UBE2D2: variants seen among roughly 807,000 people sequenced by gnomAD.
The protein encoded by UBE2D2 is ubiquitin conjugating enzyme E2 D2, also known as ubiquitin-conjugating enzyme E2 D2.
Under a neutral mutation model 24.2 loss-of-function variants are expected in UBE2D2, and 2 were observed. The observed-to-expected ratio is 0.08, with a 90% CI of 0.03 to 0.26. The LOEUF is 0.26. UBE2D2 is among the 10% of genes least tolerant of loss of function. UBE2D2 has a pLI of 1.00. For missense variants in UBE2D2, 44 were observed against 177.6 expected (o/e 0.25, Z 4.28); for synonymous variants, 58 against 56.5 (o/e 1.03, Z -0.12).
chr5:139,600,611 A>T (rs1459464550), intron 2 of UBE2D2, among the ~76,000 whole-genome samples, 176 bp downstream of exon 2: 1 of 152,176 alleles, frequency 6.6e-6, no homozygotes, highest in Non-Finnish European at 1.5e-5. Context: ...ATCTTCTGCC[A>T]GGTATTGGCT....
At chr5:139,592,966 T>G (rs1353860131) in intron 1 of UBE2D2, among the ~76,000 whole-genome samples, 1 of 58,640 alleles carries the variant, frequency 1.7e-5, no homozygotes, top group African/African-American at 2.7e-4. Context: ...ATTTCCCAAA[T>G]TAACATGATT....
In UBE2D2 at chr5:139,627,580, A is replaced by G. The variant is rs898414419; in HGVS notation, c.*779A>G. 4 of 152,768 alleles carry G rather than the reference A, an allele frequency of 2.6e-5. No homozygotes were observed. The South Asian group carries it at 6.2e-4, about 24-fold the overall frequency. 9.5% of individuals were successfully genotyped at this position (152,768 alleles called of 1,614,324 possible). A position where few individuals can be genotyped will look rare whatever the true frequency, so the allele number is the denominator to read the frequency against. On this transcript the variant is annotated 3_prime_UTR_variant, in exon 7 of 7. Coordinates refer to ENST00000398733, the MANE Select transcript of UBE2D2 (RefSeq NM_003339.3). ...TATTTGGATGTAAGGGTGAAAATTC[A>G]TTTGATGGAAATACTTGTGTATATT...
chr5:139,609,653 G>A (rs1401238193), intron 2 of UBE2D2, among the ~76,000 whole-genome samples: 1 of 149,476 alleles, frequency 6.7e-6, no homozygotes, highest in Non-Finnish European at 1.5e-5. Context: ...TTACAGGTGT[G>A]AGCCATCACA....
chr5:139,550,497 T>A (rs1284291358), intron 1 of UBE2D2, among the ~76,000 whole-genome samples: 1 of 151,408 alleles, frequency 6.6e-6, no homozygotes, highest in Admixed American at 6.6e-5. Flanking sequence ...GTGGGTGGGG[T>A]CAGAAAAGGG....
intron 1 of UBE2D2, among the ~76,000 whole-genome samples, chr5:139,563,207 T>C (rs1753147126): frequency 6.6e-6 from 1 of 152,186 alleles, no homozygotes; most frequent in South Asian, 2.1e-4. Context: ...AGATTGATGA[T>C]TTAAACACCT....
At position 139,589,241 on chromosome 5, in the gene UBE2D2, A is replaced by G. The variant is rs139202445; in HGVS notation, c.25-11131A>G. Reference sequence around the variant, plus strand: ...GCCACTGCATTCCTGCCTGGGTGACAGAGCAAGACTCTGTCTCTTAAAGAA... The same window carrying G: ...GCCACTGCATTCCTGCCTGGGTGACGGAGCAAGACTCTGTCTCTTAAAGAA... On this transcript the variant is annotated intron_variant, in intron 1 of 6. Coordinates refer to ENST00000398733, the MANE Select transcript of UBE2D2 (RefSeq NM_003339.3). Among the ~76,000 whole-genome samples the G allele has an allele frequency of 1.3e-3, 205 of 152,116 alleles. 2 individuals are homozygous for G. Among genetic ancestry groups the G allele is most frequent in the African/African-American group, 4.8e-3 (198 of 41,498 alleles).
intron 1 of UBE2D2, among the ~76,000 whole-genome samples, chr5:139,566,846 A>G (rs1753231272): frequency 1.3e-5 from 2 of 151,936 alleles, no homozygotes; most frequent in South Asian, 4.2e-4. Flanking sequence ...CTGTGGGCCC[A>G]GTGTTGCAAT....
chr5:139,537,958 C>T lies in UBE2D2; in HGVS notation c.-64+11346C>T, dbSNP rs1283684978. ...CATCCTGGGCAACAGAGCGAGACTC[C>T]GTCTCAAAAAAAAAAAAAAGAGAAA... is the stretch of plus-strand genomic sequence containing the variant. On this transcript the variant is annotated intron_variant, in intron 1 of 6. Transcript: ENST00000511725. Among the ~76,000 whole-genome samples, 21 of 121,702 alleles carry T rather than the reference C, an allele frequency of 1.7e-4. No individual in the cohort carries two copies. In the East Asian group the frequency reaches 1.8e-3, roughly 11 times the overall value. 79.8% of individuals were successfully genotyped at this position (121,702 alleles called of 152,430 possible). A position where few individuals can be genotyped will look rare whatever the true frequency, so the allele number is the denominator to read the frequency against.
At chr5:139,594,880 G>T (rs531611248) in intron 1 of UBE2D2, among the ~76,000 whole-genome samples, 1 of 152,224 alleles carries the variant, frequency 6.6e-6, no homozygotes, top group Admixed American at 6.6e-5. Flanking sequence ...TCAAGTCCCT[G>T]ATATAAAATG....
chr5:139,599,761 A>G (rs1754034869), intron 1 of UBE2D2, among the ~76,000 whole-genome samples: 2 of 151,428 alleles, frequency 1.3e-5, no homozygotes, highest in African/African-American at 4.9e-5. Flanking sequence ...AAACAAACAA[A>G]AAAAACAGTA....
chr5:139,535,248 C>T (rs1752653037), intron 1 of UBE2D2, among the ~76,000 whole-genome samples: 1 of 148,934 alleles, frequency 6.7e-6, no homozygotes, highest in Admixed American at 6.8e-5. Context: ...AGTTCAAGAC[C>T]AGCCCGGCCA....
chr5:139,568,616 C>T (rs541958672), intron 1 of UBE2D2, among the ~76,000 whole-genome samples: 6 of 151,836 alleles, frequency 4.0e-5, no homozygotes, highest in Middle Eastern at 3.4e-3. Flanking sequence ...GAGATCGCGC[C>T]GCTGCATTCT....
rs573668620 is a variant in UBE2D2, at chr5:139,586,870, T to C, written c.25-13502T>C. Among the ~76,000 whole-genome samples the C allele has an allele frequency of 5.3e-5, 8 of 152,354 alleles. No homozygotes were observed. The South Asian group carries it at 1.7e-3, about 32-fold the overall frequency. On this transcript the variant is annotated intron_variant, in intron 1 of 6. Transcript: ENST00000398733. ...TTGTTAAACAGAATTTTAGTCCGTT[T>C]ACTTTATCAGCATAAATACAATATA...
In UBE2D2 at chr5:139,576,903, G is replaced by A. The variant is rs183299537; in HGVS notation, c.24+15088G>A. 1.8e-3 allele frequency among the ~76,000 whole-genome samples: 235 copies of A among 131,586 alleles called. 1 individual carries two copies. Among genetic ancestry groups the A allele is most frequent in the African/African-American group, 6.5e-3 (220 of 33,796 alleles). 86.3% of individuals were successfully genotyped at this position (131,586 alleles called of 152,430 possible). ...CTGTCAGTTGGTGTTTTGAATAATT[G>A]TTCTGAAATATACTCCCAGGCTTGA... On this transcript the variant is annotated intron_variant, in intron 1 of 6. Transcript: ENST00000398733.
At chr5:139,541,148 A>G (rs1413520002) in intron 1 of UBE2D2, among the ~76,000 whole-genome samples, 1 of 151,506 alleles carries the variant, frequency 6.6e-6, no homozygotes, top group African/African-American at 2.4e-5. Flanking sequence ...AAATACAAAA[A>G]TTAGCTGGGC....
chr5:139,554,493 G>C lies in UBE2D2; in HGVS notation c.-64+27881G>C, dbSNP rs190147939. Among the ~76,000 whole-genome samples the C allele has an allele frequency of 6.9e-3, 1,048 of 152,318 alleles. 4 individuals carry two copies. The highest frequency in any genetic ancestry group is 9.0e-3 in the Non-Finnish European group (610 of 68,036). On this transcript the variant is annotated intron_variant, in intron 1 of 6. Transcript: ENST00000511725. ...ATTTTGAGATCCACCCATGTTGAGT[G>C]TATCAATAGTTTGACCTGTTGTTGG...
rs575639203 is a variant in UBE2D2, at chr5:139,622,748, G to A, written c.305-620G>A. On this transcript the variant is annotated intron_variant, in intron 5 of 6. Transcript: ENST00000398733. ...TACTAAAAATACAAAAAATTAGCCG[G>A]GCGTGGTGGCGGGTGCCTGTAGTCC... 7.3e-4 allele frequency among the ~76,000 whole-genome samples: 110 copies of A among 150,524 alleles called. 1 individual carries two copies. Among genetic ancestry groups the A allele is most frequent in the African/African-American group, 2.0e-3 (84 of 41,040 alleles).
At chr5:139,611,175 C>CTTTTT (rs60626896) in intron 2 of UBE2D2, among the ~76,000 whole-genome samples, 15 of 58,786 alleles carry the variant, frequency 2.6e-4, no homozygotes, top group African/African-American at 8.0e-4. Context: ...AGTTTTCCTT[C>CTTTTT]TTTTTTTTTT....
At chr5:139,548,193 A>ATAAAATAAATAAAT (rs1752862435) in intron 1 of UBE2D2, among the ~76,000 whole-genome samples, 2 of 47,104 alleles carry the variant, frequency 4.2e-5, no homozygotes, top group Non-Finnish European at 7.6e-5. Context: ...ATAAAAAAAA[A>ATAAAATAAATAAAT]AAATAAATAA....
Sources: allele counts gnomAD v4.1 joint callset (sites outside exome capture counted in the v4.1 genomes callset), GRCh38; gene constraint gnomAD v4.1.1; transcripts MANE v1.5; gene names NCBI Gene and HGNC (gene_info 2026-07-23, HGNC 2026-07-21).